CCDC117: variants seen among roughly 807,000 people sequenced by gnomAD.
The protein encoded by CCDC117 is coiled-coil domain containing 117.
CCDC117 carries 1 observed loss-of-function variant against 23.5 expected under a neutral mutation model. The observed-to-expected ratio is 0.04, with a 90% CI of 0.02 to 0.20. The LOEUF (loss-of-function observed/expected upper bound fraction) is 0.20, where lower values mean the gene tolerates loss of function less well. Ranked by LOEUF, CCDC117 falls within the 10% of genes least tolerant of loss-of-function variation. The probability of loss-of-function intolerance (pLI) is 1.00; values close to 1 mark genes in which losing one functional copy is unlikely to be tolerated. For missense variants in CCDC117, 383 were observed against 348.2 expected, an observed-to-expected ratio of 1.10 and a Z score of -0.80; for synonymous variants, 132 against 124.8, an observed-to-expected ratio of 1.06 and a Z score of -0.39.
chr22:28,780,269 A>G (rs2031280530), intron 2 of CCDC117, among the ~76,000 whole-genome samples: 1 of 152,224 alleles, frequency 6.6e-6, no homozygotes, highest in Non-Finnish European at 1.5e-5. Context: ...TTGGTTGGAC[A>G]CTGATAGAGC....
In CCDC117 at chr22:28,773,707, TTTTG is replaced by T. The variant is rs1359490832; in HGVS notation, c.186-10_186-7del. Reference sequence around the variant, plus strand: ...CGAGTACATTTCTTAATTGACTGATTTTTGTTTGTTTCAACAGTGTTTCTGTTCA... The same window carrying T: ...CGAGTACATTTCTTAATTGACTGATTTTTGTTTCAACAGTGTTTCTGTTCA... On this transcript the variant is annotated splice_polypyrimidine_tract_variant and intron_variant, in intron 1 of 4. Coordinates refer to ENST00000249064, the MANE Select transcript of CCDC117 (RefSeq NM_173510.4). The T allele has an allele frequency of 1.1e-5, 17 of 1,607,244 alleles. No individual in the cohort carries two copies. Among genetic ancestry groups the T allele is most frequent in the East Asian group, 2.2e-5 (1 of 44,852 alleles).
chr22:28,781,357 T>G (rs2031326300), intron 3 of CCDC117, among the ~76,000 whole-genome samples, 185 bp downstream of exon 3: 1 of 19,044 alleles, frequency 5.3e-5, no homozygotes, highest in Non-Finnish European at 8.1e-5. Flanking sequence ...TTTTTTTTTT[T>G]TTTTTTTTTT....
chr22:28,781,345 T>TTTTTG (rs1569198943), intron 3 of CCDC117, among the ~76,000 whole-genome samples, 173 bp downstream of exon 3: 1 of 8,710 alleles, frequency 1.1e-4, no homozygotes, highest in East Asian at 0.018. Flanking sequence ...GTTTTTTTTT[T>TTTTTG]TTTTTTTTTT....
At chr22:28,774,967 C>T (rs1378576175) in intron 2 of CCDC117, among the ~76,000 whole-genome samples, 2 of 151,952 alleles carry the variant, frequency 1.3e-5, no homozygotes, top group South Asian at 2.1e-4. Flanking sequence ...ATTTCTCTTT[C>T]AATAGTTGAG....
intron 3 of CCDC117, among the ~76,000 whole-genome samples, chr22:28,781,730 A>C (rs1236289913): frequency 1.4e-5 from 2 of 144,168 alleles, no homozygotes; most frequent in African/African-American, 5.0e-5. Context: ...TGCAACCTCC[A>C]CCTCCCGGGT....
At chr22:28,780,845 AAAG>A (rs2031294065) in intron 2 of CCDC117, 100 bp from the exon 3 acceptor site, 5 of 807,024 alleles carry the variant, frequency 6.2e-6, no homozygotes, top group East Asian at 5.3e-5. Context: ...ACTTGTCAAA[AAAG>A]CTAGTTTTTT....
intron 2 of CCDC117, among the ~76,000 whole-genome samples, chr22:28,776,428 CT>C (rs201989433): frequency 0.031 from 4,515 of 144,532 alleles, 195 homozygotes; most frequent in East Asian, 0.22. Context: ...TATATCTTTT[CT>C]TTTTTTTTTT....
chr22:28,777,267 C>T (rs75552127), intron 2 of CCDC117, among the ~76,000 whole-genome samples: 6,825 of 150,048 alleles, frequency 0.045, 207 homozygotes, highest in Non-Finnish European at 0.066. Context: ...CCTTGTGATT[C>T]GCTCGCCCGC....
intron 4 of CCDC117, among the ~76,000 whole-genome samples, chr22:28,785,107 G>A (rs559707176): frequency 1.1e-4 from 16 of 151,952 alleles, no homozygotes; most frequent in African/African-American, 3.1e-4. Flanking sequence ...TTTTTGCTTC[G>A]TCTTTGGGCC....
chr22:28,780,273 A>G (rs1435141666), intron 2 of CCDC117, among the ~76,000 whole-genome samples: 2 of 152,198 alleles, frequency 1.3e-5, no homozygotes, highest in Non-Finnish European at 2.9e-5. Flanking sequence ...TTGGACACTG[A>G]TAGAGCCTCT....
In CCDC117 at chr22:28,789,286, G is replaced by A. The variant is rs924055869; in HGVS notation, c.*2960G>A. Reference sequence around the variant, plus strand: ...TATCGTTTTCAATAAAACTTCTTAAGTGTTTTGGACTTTTGAGATATTTGT... The same window carrying A: ...TATCGTTTTCAATAAAACTTCTTAAATGTTTTGGACTTTTGAGATATTTGT... On this transcript the variant is annotated 3_prime_UTR_variant, in exon 5 of 5. Coordinates refer to ENST00000249064, the MANE Select transcript of CCDC117 (RefSeq NM_173510.4). 2 of 152,120 alleles carry A rather than the reference G, an allele frequency of 1.3e-5. No individual in the cohort carries two copies. The highest frequency in any genetic ancestry group is 2.9e-5 in the Non-Finnish European group (2 of 68,024). 9.4% of individuals were successfully genotyped at this position (152,120 alleles called of 1,614,324 possible). A position where few individuals can be genotyped will look rare whatever the true frequency, so the allele number is the denominator to read the frequency against.
intron 3 of CCDC117, among the ~76,000 whole-genome samples, 154 bp downstream of exon 3, chr22:28,781,326 TTTTG>T (rs1414819514): frequency 2.1e-4 from 17 of 79,280 alleles, no homozygotes; most frequent in African/African-American, 4.4e-4. Flanking sequence ...GTTTTTGTTT[TTTTG>T]TTTTGTTTTT....
At chr22:28,783,329 C>T (rs2031410501) in intron 3 of CCDC117, among the ~76,000 whole-genome samples, 179 bp from the exon 4 acceptor site, 1 of 152,166 alleles carries the variant, frequency 6.6e-6, no homozygotes, top group Non-Finnish European at 1.5e-5. Context: ...GTGTGAGCCA[C>T]CACACCCGGC....
Position 28,789,264 on chromosome 22 carries a change from C to T in CCDC117, c.*2938C>T, listed in dbSNP as rs770172921. On this transcript the variant is annotated 3_prime_UTR_variant, in exon 5 of 5. Transcript: ENST00000249064. The stretch of plus-strand genomic sequence containing the variant: ...AGAATCTGGTGTTACTGTATTTTAT[C>T]GTTTTCAATAAAACTTCTTAAGTGT... 3.3e-5 allele frequency: 5 copies of T among 152,108 alleles called. No homozygotes were observed. Among genetic ancestry groups the T allele is most frequent in the African/African-American group, 7.2e-5 (3 of 41,424 alleles). 9.4% of individuals were successfully genotyped at this position (152,108 alleles called of 1,614,324 possible).
Position 28,786,427 on chromosome 22 carries a change from G to A in CCDC117, c.*101G>A. 1 of 754,056 alleles carries A rather than the reference G, an allele frequency of 1.3e-6. No homozygotes were observed. The highest frequency in any genetic ancestry group is 2.0e-5 in the South Asian group (1 of 50,638). 46.7% of individuals were successfully genotyped at this position (754,056 alleles called of 1,614,324 possible). A position where few individuals can be genotyped will look rare whatever the true frequency, so the allele number is the denominator to read the frequency against. On this transcript the variant is annotated 3_prime_UTR_variant, in exon 5 of 5. Coordinates refer to ENST00000249064, the MANE Select transcript of CCDC117 (RefSeq NM_173510.4). ...AGGGACTTGAAAGTTTTATGAGACG[G>A]GTGTAATAATATCTCCACCTGTGAT...
chr22:28,773,910 A>G (rs151155842), intron 2 of CCDC117, 132 bp downstream of exon 2: 9,555 of 732,634 alleles, frequency 0.013, 92 homozygotes, highest in Non-Finnish European at 0.017. Context: ...AATTAGTGAC[A>G]TTGGTTGTCT....
chr22:28,773,943 G>A (rs2031080252), intron 2 of CCDC117, among the ~76,000 whole-genome samples, 165 bp downstream of exon 2: 1 of 152,176 alleles, frequency 6.6e-6, no homozygotes, highest in Non-Finnish European at 1.5e-5. Flanking sequence ...AACAGTGGCA[G>A]GCAGACAGGT....
Position 28,782,796 on chromosome 22 carries a change from T to G in CCDC117, c.465-712T>G, listed in dbSNP as rs181271569. Among the ~76,000 whole-genome samples, 491 of 152,236 alleles carry G rather than the reference T, an allele frequency of 3.2e-3. 6 individuals carry two copies. Among genetic ancestry groups the G allele is most frequent in the African/African-American group, 0.011 (466 of 41,524 alleles). ...GATGTTGGCCAGGCTGGTCTGGAGC[T>G]TCTGGCCTCAGGTGATCTGCCTATC... is the stretch of plus-strand genomic sequence containing the variant. On this transcript the variant is annotated intron_variant, in intron 3 of 4. Coordinates refer to ENST00000249064, the MANE Select transcript of CCDC117 (RefSeq NM_173510.4).
Position 28,781,330 on chromosome 22 carries a change from GTTTTGTTTTTTTTTTTTT to G in CCDC117, c.464+163_464+180del, listed in dbSNP as rs2031314644. On this transcript the variant is annotated intron_variant, in intron 3 of 4. Transcript: ENST00000249064. ...AAAGTGTATTCGTTTTTGTTTTTTT[GTTTTGTTTTTTTTTTTTT>G]TTTTTTTTTTTTTTTTTTTTGAGAC... Among the ~76,000 whole-genome samples the G allele has an allele frequency of 2.9e-4, 11 of 37,664 alleles. 1 individual carries two copies. Among genetic ancestry groups the G allele is most frequent in the African/African-American group, 5.9e-4 (4 of 6,802 alleles). The allele number at this position is 37,664 out of a possible 152,430, so 24.7% of individuals were successfully genotyped here.
Sources: gnomAD v4.1 joint callset for allele counts (sites outside exome capture counted in the v4.1 genomes callset) on GRCh38, gnomAD v4.1.1 for gene constraint, MANE v1.5 for transcripts, NCBI Gene and HGNC (gene_info 2026-07-23, HGNC 2026-07-21) for gene names.